ANO10: variants seen among roughly 807,000 people sequenced by gnomAD.
ANO10 encodes the protein anoctamin-10.
Under a neutral mutation model 74.7 loss-of-function variants are expected in ANO10, and 77 were observed. The observed-to-expected ratio is 1.03, with a 90% CI of 0.86 to 1.25. The LOEUF is 1.25. Among genes scored for constraint, ANO10 ranks in the 50% most tolerant of loss-of-function variants. The probability of loss-of-function intolerance (pLI) is 0.00; values close to 1 mark genes in which losing one functional copy is unlikely to be tolerated. For missense variants in ANO10, 721 were observed against 778.1 expected (o/e 0.93, Z 0.87); for synonymous variants, 279 against 284.9 (o/e 0.98, Z 0.21).
chr3:43,610,406 T>C (rs2149510869), intron 1 of ANO10, among the ~76,000 whole-genome samples: 1 of 152,318 alleles, frequency 6.6e-6, no homozygotes. Flanking sequence ...AAGAGTATAG[T>C]ATAGTAAATA....
chr3:43,445,874 A>AT (rs1399733705), intron 11 of ANO10, among the ~76,000 whole-genome samples: 5 of 151,874 alleles, frequency 3.3e-5, no homozygotes, highest in African/African-American at 4.8e-5. Context: ...TAATATTTGT[A>AT]TTTTTTGTAG....
At chr3:43,660,321 A>G (rs2083911521) in intron 1 of ANO10, among the ~76,000 whole-genome samples, 3 of 152,178 alleles carry the variant, frequency 2.0e-5, no homozygotes, top group Admixed American at 2.0e-4. Context: ...AGCATGTTCT[A>G]AAACATCACA....
At chr3:43,557,034 C>A (rs2079784061) in intron 9 of ANO10, among the ~76,000 whole-genome samples, 1 of 151,932 alleles carries the variant, frequency 6.6e-6, no homozygotes, top group Non-Finnish European at 1.5e-5. Context: ...TAACAGCATT[C>A]CCATATGCCA....
chr3:43,577,931 A>C (rs146939518), intron 5 of ANO10, among the ~76,000 whole-genome samples: 130 of 152,308 alleles, frequency 8.5e-4, no homozygotes, highest in African/African-American at 2.8e-3. Flanking sequence ...CACAAGCTAA[A>C]TGACTCTAGA....
chr3:43,591,409 C>T (rs536537092), intron 4 of ANO10, among the ~76,000 whole-genome samples: 2 of 152,266 alleles, frequency 1.3e-5, no homozygotes, highest in African/African-American at 2.4e-5. Flanking sequence ...CCATGACTCA[C>T]GGCTTATAAT....
chr3:43,664,796 A>G (rs1395869062), intron 1 of ANO10, among the ~76,000 whole-genome samples: 3 of 152,242 alleles, frequency 2.0e-5, no homozygotes, highest in Non-Finnish European at 4.4e-5. Context: ...ATCAATGGTC[A>G]TTAGAGAAGT....
intron 1 of ANO10, among the ~76,000 whole-genome samples, chr3:43,650,005 C>T (rs1221630995): frequency 1.3e-5 from 2 of 151,636 alleles, no homozygotes; most frequent in South Asian, 2.1e-4. Context: ...GTCCCATGTA[C>T]GGCGTAAGTG....
intron 6 of ANO10, 26 bp downstream of exon 6, chr3:43,576,666 C>A: frequency 6.2e-7 from 1 of 1,609,880 alleles, no homozygotes; most frequent in African/African-American, 1.3e-5. Flanking sequence ...GCAAGTAAGA[C>A]GTGAATATAA....
chr3:43,667,708 C>T (rs1017994622), intron 1 of ANO10, among the ~76,000 whole-genome samples: 1 of 152,150 alleles, frequency 6.6e-6, no homozygotes, highest in Non-Finnish European at 1.5e-5. Flanking sequence ...TTTTCTACTG[C>T]TGAGTTACTT....
intron 12 of ANO10, among the ~76,000 whole-genome samples, chr3:43,388,349 T>C (rs1404048419): frequency 1.3e-5 from 2 of 152,138 alleles, no homozygotes; most frequent in Non-Finnish European, 2.9e-5. Context: ...TCGGTCCCTG[T>C]TGGCAGCCAG....
intron 1 of ANO10, among the ~76,000 whole-genome samples, chr3:43,657,349 T>C (rs1006864677): frequency 6.6e-6 from 1 of 152,218 alleles, no homozygotes; most frequent in Admixed American, 6.5e-5. Flanking sequence ...CAATTTCCAT[T>C]GGCCCATGTT....
At chr3:43,549,378 T>C (rs1363143143) in intron 11 of ANO10, among the ~76,000 whole-genome samples, 4 of 152,150 alleles carry the variant, frequency 2.6e-5, no homozygotes, top group Non-Finnish European at 5.9e-5. Flanking sequence ...CTCCTGGCCT[T>C]ATGTCATCCT....
chr3:43,678,493 T>C (rs953655233), intron 1 of ANO10, among the ~76,000 whole-genome samples: 1 of 152,216 alleles, frequency 6.6e-6, no homozygotes, highest in East Asian at 1.9e-4. Flanking sequence ...AGACATTGTA[T>C]GGGAAAGCAC....
At chr3:43,432,772 T>C (rs1222901803) in intron 11 of ANO10, 45 bp from the exon 12 acceptor site, 2 of 1,220,708 alleles carry the variant, frequency 1.6e-6, no homozygotes, top group Non-Finnish European at 2.4e-6. Context: ...CATCAGACCA[T>C]ATATGCAAGG....
intron 4 of ANO10, among the ~76,000 whole-genome samples, chr3:43,588,762 T>C (rs946817902): frequency 9.2e-5 from 14 of 152,040 alleles, no homozygotes; most frequent in Admixed American, 3.9e-4. Context: ...TTAAGCAAGA[T>C]GAGGAATAAT....
At chr3:43,393,803 C>A (rs566177171) in intron 12 of ANO10, among the ~76,000 whole-genome samples, 2 of 152,238 alleles carry the variant, frequency 1.3e-5, no homozygotes, top group South Asian at 4.2e-4. Flanking sequence ...CATGAAGGTT[C>A]CCCTTTCCAA....
At chr3:43,676,477 G>A (rs1249554956) in intron 1 of ANO10, among the ~76,000 whole-genome samples, 2 of 152,056 alleles carry the variant, frequency 1.3e-5, no homozygotes, top group African/African-American at 4.8e-5. Flanking sequence ...ATGTTTTTAA[G>A]TCATATTCTA....
intron 7 of ANO10, among the ~76,000 whole-genome samples, chr3:43,570,922 C>T (rs1415363588): frequency 2.2e-4 from 31 of 140,090 alleles, no homozygotes; most frequent in Admixed American, 8.7e-4. Context: ...AGAAAATTTT[C>T]GCAACCTACT....
intron 1 of ANO10, among the ~76,000 whole-genome samples, chr3:43,630,108 GCAAA>G (rs1425637337): frequency 6.6e-6 from 1 of 152,152 alleles, no homozygotes; most frequent in African/African-American, 2.4e-5. Flanking sequence ...TGTCTCAGAA[GCAAA>G]CAAACAATCT....
Sources: gnomAD v4.1 joint callset for allele counts (sites outside exome capture counted in the v4.1 genomes callset) on GRCh38, gnomAD v4.1.1 for gene constraint, MANE v1.5 for transcripts, NCBI Gene and HGNC (gene_info 2026-07-23, HGNC 2026-07-21) for gene names.